The following ATP2B3 variants were observed in gnomAD, a reference collection of about 807,000 sequenced individuals.
ATP2B3 encodes plasma membrane calcium-transporting ATPase 3.
ATP2B3 carries 12 observed loss-of-function variants against 70.8 expected under a neutral mutation model. The ratio of observed to expected loss-of-function variants is 0.17; its 90% confidence interval spans 0.11 to 0.27. The LOEUF (loss-of-function observed/expected upper bound fraction) is 0.27. Ranked by LOEUF, ATP2B3 falls within the 10% of genes least tolerant of loss-of-function variation. The pLI, the probability that ATP2B3 is intolerant of heterozygous loss-of-function variation, is 1.00. For missense variants in ATP2B3, 858 were observed against 1,118.5 expected (o/e 0.77, Z 3.32); for synonymous variants, 460 against 497.8 (o/e 0.92, Z 1.01).
At chrX:153,550,847 C>T (rs1234661784) in intron 12 of ATP2B3, among the ~76,000 whole-genome samples, 1 of 111,413 alleles carries the variant, frequency 9.0e-6, no homozygotes, top group South Asian at 3.8e-4. Flanking sequence ...TCCACCCACC[C>T]GGCCTCCCTA....
intron 12 of ATP2B3, among the ~76,000 whole-genome samples, chrX:153,551,415 G>A (rs2090455031): frequency 8.9e-6 from 1 of 112,080 alleles, no homozygotes; most frequent in African/African-American, 3.2e-5. Context: ...GAGTTGGGTT[G>A]TTTGTCTTTT....
chrX:153,541,828 T>G lies in ATP2B3; in HGVS notation c.566T>G (p.Ile189Ser). The G allele has an allele frequency of 2.5e-6, 3 of 1,211,336 alleles. No homozygotes were observed. Among genetic ancestry groups the G allele is most frequent in the Non-Finnish European group, 3.4e-6 (3 of 895,428 alleles). ...EKQFRGLQSRIEQEQKFTVIR... is the reference protein window; with the variant it reads ...EKQFRGLQSRSEQEQKFTVIR... ...CAGTTCCGAGGCCTGCAGAGCCGAA[T>G]TGAGCAGGAGCAGAAGTTCACGGTC... The change falls in exon 5 of 22, where the codon ATT becomes AGT. Residue 189 changes from isoleucine to serine, a missense_variant. Ile to Ser is a moderately radical substitution (Grantham distance 142). Coordinates refer to ENST00000263519, the MANE Select transcript of ATP2B3 (RefSeq NM_001001344.3).
At chrX:153,573,805 G>A (rs998135336) in intron 21 of ATP2B3, among the ~76,000 whole-genome samples, 3 of 112,379 alleles carry the variant, frequency 2.7e-5, no homozygotes, top group Admixed American at 9.4e-5. Flanking sequence ...CTGACTCGCC[G>A]CGCCCAGGTC....
chrX:153,552,764 C>A (rs782109717), intron 12 of ATP2B3, among the ~76,000 whole-genome samples: 69 of 112,535 alleles, frequency 6.1e-4, no homozygotes, highest in Non-Finnish European at 9.4e-4. Flanking sequence ...GGCCGAAGCG[C>A]CTCCAAAGCA....
At chrX:153,557,072 A>G (rs1557014125) in intron 16 of ATP2B3, 49 bp downstream of exon 16, 1 of 1,079,210 alleles carries the variant, frequency 9.3e-7, no homozygotes, top group African/African-American at 1.8e-5. Flanking sequence ...TGGGGCCTGC[A>G]TCTGTCCCAT....
intron 21 of ATP2B3, among the ~76,000 whole-genome samples, chrX:153,571,003 TACAC>T (rs879951205): frequency 0.011 from 938 of 87,602 alleles, 17 homozygotes; most frequent in Admixed American, 0.059. Context: ...CGTGCGCGCG[TACAC>T]ACACACACAC....
rs782523675 is a variant in ATP2B3, at chrX:153,550,086, T to C, written c.1623T>C (p.Asn541=). 7.4e-6 allele frequency: 9 copies of C among 1,212,023 alleles called. No individual in the cohort carries two copies. Among genetic ancestry groups the C allele is most frequent in the Non-Finnish European group, 1.0e-5 (9 of 895,340 alleles). The change falls in exon 12 of 22, where the codon AAT becomes AAC. Residue 541 remains asparagine, a synonymous_variant. Transcript: ENST00000263519. ...GCGCCCTCCCACGCCAGGTGGGCAATAAGACGGAGTGCGCCCTGCTGGGCT... is the reference window on the plus strand; with the variant it reads ...GCGCCCTCCCACGCCAGGTGGGCAACAAGACGGAGTGCGCCCTGCTGGGCT... The part of the protein sequence containing the change: ...KEGALPRQVG[N]KTECALLGFV...
At chrX:153,542,049 T>TCAGGCCCCCG in intron 5 of ATP2B3, 123 bp downstream of exon 5, 1 of 183,785 alleles carries the variant, frequency 5.4e-6, no homozygotes, top group Non-Finnish European at 9.4e-6. Flanking sequence ...TCACCTGCCT[T>TCAGGCCCCCG]AGGAGGCGGG....
intron 21 of ATP2B3, among the ~76,000 whole-genome samples, chrX:153,576,084 G>A (rs1457965561): frequency 8.9e-6 from 1 of 111,802 alleles, no homozygotes; most frequent in African/African-American, 3.3e-5. Context: ...AGTAAAACGG[G>A]CTTTTGGGGG....
intron 21 of ATP2B3, among the ~76,000 whole-genome samples, chrX:153,571,002 GTACACACA>G (rs1483572126): frequency 1.6e-3 from 44 of 26,752 alleles, no homozygotes; most frequent in African/African-American, 2.9e-3. Context: ...ACGTGCGCGC[GTACACACA>G]CACACACACA....
intron 16 of ATP2B3, 50 bp from the exon 17 acceptor site, chrX:153,558,062 G>A (rs373602147): frequency 1.1e-5 from 13 of 1,136,600 alleles, no homozygotes; most frequent in African/African-American, 1.8e-5. Flanking sequence ...GGGGGCTGGG[G>A]AAGGGGCCCC....
In ATP2B3 at chrX:153,545,970, G is replaced by T. The variant is rs1309467186; in HGVS notation, c.917-118G>T. ...GGTGGTGACGGGGTGAGCCTGGAGAGGACGGGGCATGAAGAAGGCCACCAG... is the reference window on the plus strand; with the variant it reads ...GGTGGTGACGGGGTGAGCCTGGAGATGACGGGGCATGAAGAAGGCCACCAG... On this transcript the variant is annotated intron_variant, in intron 7 of 21. Transcript: ENST00000263519. 1.0e-5 allele frequency: 8 copies of T among 764,005 alleles called. No homozygotes were observed. In the Admixed American group the frequency reaches 2.1e-4, roughly 20 times the overall value. 63.0% of individuals were successfully genotyped at this position (764,005 alleles called of 1,213,427 possible).
In ATP2B3 at chrX:153,562,452, A is replaced by G. The variant is rs138360228; in HGVS notation, c.3159+210A>G. 5.8e-3 allele frequency among the ~76,000 whole-genome samples: 653 copies of G among 112,273 alleles called. 7 individuals carry two copies. The highest frequency in any genetic ancestry group is 0.02 in the African/African-American group (621 of 30,851). ...CAAAGGAACATGGCTGGGATGTGAC[A>G]GGGCCCAGGAAAACTGCCCGCAGCT... On this transcript the variant is annotated intron_variant, in intron 20 of 21. Coordinates refer to ENST00000263519, the MANE Select transcript of ATP2B3 (RefSeq NM_001001344.3).
At chrX:153,527,961 C>T (rs1374755036) in intron 2 of ATP2B3, among the ~76,000 whole-genome samples, 2 of 112,721 alleles carry the variant, frequency 1.8e-5, no homozygotes, top group African/African-American at 6.4e-5. Context: ...TGGGGACCAG[C>T]CTCAGGGTGT....
intron 7 of ATP2B3, 27 bp from the exon 8 acceptor site, chrX:153,546,061 G>C (rs782675749): frequency 4.1e-5 from 49 of 1,209,051 alleles, no homozygotes; most frequent in Middle Eastern, 2.3e-4. Context: ...TCAAGCCTTC[G>C]TGTCTGTCAT....
chrX:153,534,874 T>A (rs2090167627), intron 2 of ATP2B3, among the ~76,000 whole-genome samples: 1 of 113,365 alleles, frequency 8.8e-6, no homozygotes, highest in Admixed American at 9.3e-5. Context: ...GGCCATGGAC[T>A]TGGCCGTGTC....
chrX:153,552,968 G>A (rs1557012070), intron 12 of ATP2B3, 67 bp from the exon 13 acceptor site: 2 of 982,532 alleles, frequency 2.0e-6, no homozygotes, highest in Non-Finnish European at 2.8e-6. Flanking sequence ...CCAATCCAGT[G>A]TGACCAGCGC....
At position 153,556,294 on chromosome X, in the gene ATP2B3, C is replaced by T. The variant is rs782447363; in HGVS notation, c.2239-37C>T. 7 of 1,203,365 alleles carry T rather than the reference C, an allele frequency of 5.8e-6. No individual in the cohort carries two copies. The Admixed American group carries it at 1.6e-4, about 27-fold the overall frequency. On this transcript the variant is annotated intron_variant, in intron 14 of 21. Transcript: ENST00000263519. ...TCACCCCAGCCCCCTGCGTGCCCGC[C>T]TTAGCTCTGCAGCGTCCTTGTGCTT... is the stretch of plus-strand genomic sequence containing the variant.
intron 10 of ATP2B3, among the ~76,000 whole-genome samples, chrX:153,549,278 G>T (rs1373056286): frequency 9.2e-6 from 1 of 108,987 alleles, no homozygotes; most frequent in Non-Finnish European, 1.9e-5. Flanking sequence ...TCGGGCAGGG[G>T]AGGTCCCGGG....
Sources: allele counts gnomAD v4.1 joint callset (sites outside exome capture counted in the v4.1 genomes callset), GRCh38; gene constraint gnomAD v4.1.1; transcripts MANE v1.5; gene names NCBI Gene and HGNC (gene_info 2026-07-23, HGNC 2026-07-21).